Variants in SHB observed in about 807,000 individuals in gnomAD.
SHB encodes the protein SH2 domain-containing adapter protein B.
A neutral mutation model predicts 52.3 loss-of-function variants in SHB; 20 were observed. The ratio of observed to expected loss-of-function variants is 0.38; its 90% CI spans 0.27 to 0.56. The LOEUF is 0.56. Ranked by LOEUF, SHB falls within the 20% of genes least tolerant of loss-of-function variation. The pLI, the probability that SHB is intolerant of heterozygous loss-of-function variation, is 0.71. For synonymous variants in SHB, 397 were observed against 316.5 expected (o/e 1.25, Z -2.70); for missense variants, 825 against 723.3 (o/e 1.14, Z -1.61).
chr9:37,951,487 T>A (rs76150658), intron 4 of SHB, among the ~76,000 whole-genome samples: 3,753 of 152,284 alleles, frequency 0.025, 85 homozygotes, highest in East Asian at 0.088. Flanking sequence ...TTGGGAAGGC[T>A]GTCCTCTGGG....
intron 1 of SHB, among the ~76,000 whole-genome samples, chr9:38,061,633 C>A (rs1000721593): frequency 2.0e-5 from 3 of 152,202 alleles, no homozygotes; most frequent in African/African-American, 7.2e-5. Flanking sequence ...GTCAGAAATG[C>A]TCTGGGGGCA....
chr9:37,949,437 AAAG>A (rs1197028396), intron 4 of SHB, among the ~76,000 whole-genome samples: 2 of 152,108 alleles, frequency 1.3e-5, no homozygotes, highest in Non-Finnish European at 2.9e-5. Flanking sequence ...AATGGAAAAA[AAAG>A]AAGAAAGAAA....
intron 2 of SHB, among the ~76,000 whole-genome samples, chr9:38,002,171 G>A (rs1821021752): frequency 6.6e-6 from 1 of 152,140 alleles, no homozygotes; most frequent in Non-Finnish European, 1.5e-5. Flanking sequence ...GTTGTTCTGA[G>A]GATGAAATGA....
chr9:38,019,868 T>C (rs1022091176), intron 1 of SHB, among the ~76,000 whole-genome samples: 1 of 152,024 alleles, frequency 6.6e-6, no homozygotes, highest in Non-Finnish European at 1.5e-5. Context: ...TTCCATACGA[T>C]GTAACATTAT....
At chr9:37,948,060 A>C (rs16934648) in intron 5 of SHB, among the ~76,000 whole-genome samples, 1 of 152,238 alleles carries the variant, frequency 6.6e-6, no homozygotes, top group South Asian at 2.1e-4. Flanking sequence ...AAAGACCTGA[A>C]AGTTTCCAAA....
intron 5 of SHB, among the ~76,000 whole-genome samples, chr9:37,938,008 G>T (rs140600657): frequency 6.6e-6 from 1 of 152,202 alleles, no homozygotes; most frequent in Non-Finnish European, 1.5e-5. Flanking sequence ...ATTTTACCAC[G>T]TGAAGTTAGC....
intron 3 of SHB, among the ~76,000 whole-genome samples, chr9:37,965,807 A>T (rs1005469271): frequency 6.6e-6 from 1 of 152,064 alleles, no homozygotes. Context: ...TGGCGGGATG[A>T]CCTGGGCCAA....
At chr9:37,951,838 G>A (rs1034448338) in intron 4 of SHB, among the ~76,000 whole-genome samples, 12 of 152,250 alleles carry the variant, frequency 7.9e-5, no homozygotes, top group African/African-American at 2.9e-4. Flanking sequence ...GGGCCGGGCC[G>A]GCACTGGCCA....
chr9:38,063,098 T>C (rs188562089), intron 1 of SHB, among the ~76,000 whole-genome samples: 19 of 152,366 alleles, frequency 1.2e-4, no homozygotes, highest in Non-Finnish European at 2.4e-4. Flanking sequence ...CTGGATTTGA[T>C]ACGCAGCATT....
intron 1 of SHB, among the ~76,000 whole-genome samples, chr9:38,059,098 G>A (rs1283157405): frequency 6.6e-6 from 1 of 152,162 alleles, no homozygotes; most frequent in Non-Finnish European, 1.5e-5. Flanking sequence ...ACACACAGCA[G>A]GCTCTCAACA....
chr9:37,930,029 C>G (rs891460720), intron 5 of SHB, among the ~76,000 whole-genome samples: 1 of 152,106 alleles, frequency 6.6e-6, no homozygotes, highest in Non-Finnish European at 1.5e-5. Context: ...TTGAGCCTGG[C>G]AGGCTGAGGC....
chr9:38,056,975 G>A (rs1173205449), intron 1 of SHB, among the ~76,000 whole-genome samples: 8 of 152,248 alleles, frequency 5.3e-5, no homozygotes, highest in Non-Finnish European at 1.5e-5. Flanking sequence ...TCCGAGGATT[G>A]TGTGAGAAGG....
intron 4 of SHB, 110 bp from the exon 5 acceptor site, chr9:37,948,864 A>T: frequency 1.4e-6 from 2 of 1,414,758 alleles, no homozygotes; most frequent in Non-Finnish European, 1.9e-6. Flanking sequence ...ACAAGCAGGC[A>T]TGCACTGGTT....
At chr9:38,039,512 G>A (rs1821542386) in intron 1 of SHB, among the ~76,000 whole-genome samples, 1 of 152,244 alleles carries the variant, frequency 6.6e-6, no homozygotes, top group Non-Finnish European at 1.5e-5. Context: ...GTATGTGAAT[G>A]AATGGATTCC....
At chr9:37,922,713 G>A (rs1334727811) in intron 5 of SHB, among the ~76,000 whole-genome samples, 1 of 152,184 alleles carries the variant, frequency 6.6e-6, no homozygotes, top group Non-Finnish European at 1.5e-5. Flanking sequence ...CAGGCAGAGG[G>A]AGAAAGGCGC....
At chr9:37,941,440 G>A (rs1832432988) in intron 5 of SHB, among the ~76,000 whole-genome samples, 1 of 152,218 alleles carries the variant, frequency 6.6e-6, no homozygotes, top group African/African-American at 2.4e-5. Context: ...ATGTGGCGGA[G>A]CTGGGTTTCA....
chr9:37,920,320 CAAAACAAAACAAAA>C (rs1832164809), intron 5 of SHB, among the ~76,000 whole-genome samples: 2 of 146,480 alleles, frequency 1.4e-5, no homozygotes, highest in African/African-American at 5.1e-5. Context: ...CAAAACAAAA[CAAAACAAAACAAAA>C]CTTAGTCCCT....
At chr9:37,950,147 A>T (rs1016640916) in intron 4 of SHB, among the ~76,000 whole-genome samples, 9 of 152,180 alleles carry the variant, frequency 5.9e-5, no homozygotes, top group Admixed American at 5.2e-4. Flanking sequence ...TATGTTGCCC[A>T]GGCTAATCTC....
chr9:38,065,509 C>T (rs930375784), intron 1 of SHB, among the ~76,000 whole-genome samples: 7 of 152,176 alleles, frequency 4.6e-5, no homozygotes, highest in African/African-American at 1.4e-4. Context: ...CTCAATCAGA[C>T]GCTGCAGGAT....
Sources: gnomAD v4.1 joint callset for allele counts (sites outside exome capture counted in the v4.1 genomes callset) on GRCh38, gnomAD v4.1.1 for gene constraint, MANE v1.5 for transcripts, NCBI Gene and HGNC (gene_info 2026-07-23, HGNC 2026-07-21) for gene names.